TMEM132D: variants seen among roughly 807,000 people sequenced by gnomAD.
The protein encoded by TMEM132D is mature OL transmembrane protein.
In TMEM132D, 21 loss-of-function variants were observed where a neutral mutation model predicts 62.3. The ratio of observed to expected loss-of-function variants is 0.34; its 90% CI spans 0.24 to 0.49. TMEM132D has a LOEUF of 0.49. Ranked by LOEUF, TMEM132D falls within the 20% of genes least tolerant of loss-of-function variation. The pLI is 0.99. For missense variants in TMEM132D, 1,346 were observed against 1,402.8 expected (o/e 0.96, Z 0.65); for synonymous variants, 621 against 575.6 (o/e 1.08, Z -1.13).
At chr12:129,083,344 C>G (rs931893561) in intron 6 of TMEM132D, among the ~76,000 whole-genome samples, 2 of 152,206 alleles carry the variant, frequency 1.3e-5, no homozygotes, top group East Asian at 1.9e-4. Context: ...GCTGTTCCCT[C>G]TCACACTCAC....
At chr12:129,203,813 G>A (rs961650581) in intron 5 of TMEM132D, among the ~76,000 whole-genome samples, 5 of 152,252 alleles carry the variant, frequency 3.3e-5, no homozygotes, top group Non-Finnish European at 5.9e-5. Context: ...GACCAACCTG[G>A]TAAGTATACA....
At chr12:129,358,481 G>A (rs75130493) in intron 3 of TMEM132D, among the ~76,000 whole-genome samples, 12,933 of 152,186 alleles carry the variant, frequency 0.085, 700 homozygotes, top group African/African-American at 0.15. Context: ...CCACGGTGGA[G>A]TATTTATACT....
intron 3 of TMEM132D, among the ~76,000 whole-genome samples, chr12:129,420,306 G>GTTTTTTTTTTTTTTTTTTTTTTT (rs71082709): frequency 1.8e-5 from 2 of 112,300 alleles, no homozygotes; most frequent in African/African-American, 4.0e-5. Context: ...CACGTTCTCT[G>GTTTTTTTTTTTTTTTTTTTTTTT]TTTTTTTTTT....
In TMEM132D at chr12:129,275,037, T is replaced by C. The variant is rs192959472; in HGVS notation, c.1299+62597A>G. On this transcript the variant is annotated intron_variant, in intron 4 of 8. Coordinates refer to ENST00000422113, the MANE Select transcript of TMEM132D (RefSeq NM_133448.3). ...GCTCAGGCCTGTAATCCTAGCACTT[T>C]GGGAGGTTGAGGCGGGACGATTCCT... is the stretch of plus-strand genomic sequence containing the variant. 1.6e-4 allele frequency among the ~76,000 whole-genome samples: 24 copies of C among 152,336 alleles called. No homozygotes were observed. In the East Asian group the frequency reaches 4.6e-3, roughly 29 times the overall value.
intron 5 of TMEM132D, among the ~76,000 whole-genome samples, chr12:129,118,089 C>A (rs1019499068): frequency 6.6e-6 from 1 of 152,196 alleles, no homozygotes; most frequent in Non-Finnish European, 1.5e-5. Context: ...TTTTCCTCTT[C>A]TTTTAAAACA....
chr12:129,493,064 C>T (rs7132165), intron 3 of TMEM132D, among the ~76,000 whole-genome samples: 38,918 of 152,044 alleles, frequency 0.26, 4,945 homozygotes, highest in Middle Eastern at 0.31. Context: ...ACCACCTGTG[C>T]CCCTGTATCC....
chr12:129,781,762 G>A (rs1434763912), intron 1 of TMEM132D, among the ~76,000 whole-genome samples: 1 of 152,214 alleles, frequency 6.6e-6, no homozygotes, highest in Non-Finnish European at 1.5e-5. Context: ...CTTCATTGCA[G>A]CGTGGCTTCA....
intron 3 of TMEM132D, among the ~76,000 whole-genome samples, chr12:129,449,120 G>A (rs1161182311): frequency 6.6e-6 from 1 of 152,156 alleles, no homozygotes; most frequent in Non-Finnish European, 1.5e-5. Context: ...TTCACAATGG[G>A]AATGGAGTAT....
At chr12:129,197,521 G>A (rs1291329475) in intron 5 of TMEM132D, among the ~76,000 whole-genome samples, 2 of 152,134 alleles carry the variant, frequency 1.3e-5, no homozygotes, top group Non-Finnish European at 2.9e-5. Context: ...TTCCAACAAA[G>A]GTTCCAGGAA....
chr12:129,593,551 A>G (rs2137136881), intron 2 of TMEM132D, among the ~76,000 whole-genome samples: 1 of 152,324 alleles, frequency 6.6e-6, no homozygotes, highest in African/African-American at 2.4e-5. Flanking sequence ...AGGAGGCAGT[A>G]AAGATGTGAA....
chr12:129,294,761 C>T (rs748053309), intron 4 of TMEM132D, among the ~76,000 whole-genome samples: 1 of 152,330 alleles, frequency 6.6e-6, no homozygotes, highest in East Asian at 1.9e-4. Context: ...CCATCACCCC[C>T]CTGCAGGCAG....
chr12:129,324,500 G>A lies in TMEM132D; in HGVS notation c.1299+13134C>T, dbSNP rs3861078. On this transcript the variant is annotated intron_variant, in intron 4 of 8. Coordinates refer to ENST00000422113, the MANE Select transcript of TMEM132D (RefSeq NM_133448.3). ...TTTTCATCCCTAGAGGACATTCAAC[G>A]TTACTTTTACCTTAATTTCTTGAAA... is the stretch of plus-strand genomic sequence containing the variant. 6.2e-3 allele frequency among the ~76,000 whole-genome samples: 937 copies of A among 152,186 alleles called. 34 individuals carry two copies. The highest frequency in any genetic ancestry group is 0.053 in the Admixed American group (804 of 15,290).
chr12:129,573,001 A>G (rs924702979), intron 2 of TMEM132D, among the ~76,000 whole-genome samples: 1 of 152,204 alleles, frequency 6.6e-6, no homozygotes, highest in African/African-American at 2.4e-5. Flanking sequence ...GGTTAGATAG[A>G]CACATTGAAA....
chr12:129,129,098 G>A (rs375372510), intron 5 of TMEM132D, among the ~76,000 whole-genome samples: 1 of 152,138 alleles, frequency 6.6e-6, no homozygotes, highest in Non-Finnish European at 1.5e-5. Context: ...CAAGTACTGA[G>A]CATGGTACCC....
chr12:129,536,321 C>T (rs940341092), intron 2 of TMEM132D, among the ~76,000 whole-genome samples: 1 of 152,110 alleles, frequency 6.6e-6, no homozygotes, highest in African/African-American at 2.4e-5. Context: ...GGAAACATGC[C>T]CTTTGGGGTC....
intron 2 of TMEM132D, among the ~76,000 whole-genome samples, chr12:129,632,295 C>T (rs750762623): frequency 6.6e-6 from 1 of 152,132 alleles, no homozygotes; most frequent in Non-Finnish European, 1.5e-5. Flanking sequence ...AAAACAAGTG[C>T]CTACGGCTTG....
At chr12:129,772,448 A>C (rs1870785282) in intron 1 of TMEM132D, among the ~76,000 whole-genome samples, 1 of 152,178 alleles carries the variant, frequency 6.6e-6, no homozygotes, top group South Asian at 2.1e-4. Context: ...GCATATTTTA[A>C]AGAAAGTAAA....
chr12:129,174,996 T>A (rs977471886), intron 5 of TMEM132D, among the ~76,000 whole-genome samples: 1 of 152,230 alleles, frequency 6.6e-6, no homozygotes, highest in South Asian at 2.1e-4. Flanking sequence ...ATGGGTAGAT[T>A]GCAAACATTT....
intron 2 of TMEM132D, among the ~76,000 whole-genome samples, chr12:129,609,608 G>C (rs551359091): frequency 1.9e-4 from 29 of 152,274 alleles, no homozygotes; most frequent in African/African-American, 6.3e-4. Context: ...CAAATGCTGG[G>C]CTGGCAGGTG....
Sources: allele counts gnomAD v4.1 joint callset (sites outside exome capture counted in the v4.1 genomes callset), GRCh38; gene constraint gnomAD v4.1.1; transcripts MANE v1.5; gene names NCBI Gene and HGNC (gene_info 2026-07-23, HGNC 2026-07-21).